Variants in SPIN1 observed in about 807,000 individuals in gnomAD.
SPIN1 encodes the protein spindlin-1.
In SPIN1, 3 loss-of-function variants were observed where a neutral mutation model predicts 26.0. The ratio of observed to expected loss-of-function variants is 0.12; its 90% CI spans 0.05 to 0.30. SPIN1 has a LOEUF of 0.30. Ranked by LOEUF, SPIN1 falls within the 10% of genes least tolerant of loss-of-function variation. The pLI is 1.00. For synonymous variants in SPIN1, 101 were observed against 116.5 expected, an observed-to-expected ratio of 0.87 and a Z score of 0.86; for missense variants, 126 against 333.4, an observed-to-expected ratio of 0.38 and a Z score of 4.84.
At chr9:88,396,939 A>G (rs1224068828) in intron 1 of SPIN1, among the ~76,000 whole-genome samples, 1 of 152,008 alleles carries the variant, frequency 6.6e-6, no homozygotes, top group Non-Finnish European at 1.5e-5. Context: ...CAGAGAAAGT[A>G]CAGTAGAAAT....
chr9:88,430,668 T>A (rs958233037), intron 2 of SPIN1, among the ~76,000 whole-genome samples: 1 of 152,228 alleles, frequency 6.6e-6, no homozygotes, highest in Non-Finnish European at 1.5e-5. Flanking sequence ...CATTCACATA[T>A]CAGGAATTTC....
At chr9:88,428,060 C>G (rs1827796880) in intron 2 of SPIN1, among the ~76,000 whole-genome samples, 1 of 151,996 alleles carries the variant, frequency 6.6e-6, no homozygotes, top group Admixed American at 6.6e-5. Context: ...AAATTGCTGC[C>G]AGGTGTTTAT....
At chr9:88,400,915 A>G (rs911355658) in intron 1 of SPIN1, among the ~76,000 whole-genome samples, 3 of 151,360 alleles carry the variant, frequency 2.0e-5, no homozygotes, top group Admixed American at 6.6e-5. Context: ...CGGGAGGCTG[A>G]GGTGGGAGGA....
At chr9:88,435,853 C>T (rs1400246233) in intron 2 of SPIN1, among the ~76,000 whole-genome samples, 1 of 152,150 alleles carries the variant, frequency 6.6e-6, no homozygotes, top group Non-Finnish European at 1.5e-5. Flanking sequence ...TTGGAACCTT[C>T]TGCTCTTCTA....
intron 3 of SPIN1, among the ~76,000 whole-genome samples, chr9:88,453,819 C>A (rs1828412317): frequency 2.0e-5 from 3 of 152,198 alleles, no homozygotes. Flanking sequence ...AGCCACCGCG[C>A]CCGCGGTATC....
chr9:88,421,289 A>ATGTG (rs140200838), intron 1 of SPIN1, among the ~76,000 whole-genome samples: 4 of 151,380 alleles, frequency 2.6e-5, no homozygotes, highest in Non-Finnish European at 4.4e-5. Flanking sequence ...GTTGTCTTAA[A>ATGTG]TGTGTGTGTG....
intron 3 of SPIN1, among the ~76,000 whole-genome samples, chr9:88,450,884 C>T (rs749809378): frequency 1.6e-4 from 24 of 152,100 alleles, no homozygotes; most frequent in Non-Finnish European, 5.9e-5. Flanking sequence ...GGGATGGCTG[C>T]ATGGAGCTTT....
intron 1 of SPIN1, among the ~76,000 whole-genome samples, chr9:88,394,263 A>G (rs1206140432): frequency 6.6e-6 from 1 of 152,164 alleles, no homozygotes; most frequent in Non-Finnish European, 1.5e-5. Flanking sequence ...GTAATCTCTG[A>G]AGCTTTTCTT....
At chr9:88,435,849 C>G (rs996369935) in intron 2 of SPIN1, among the ~76,000 whole-genome samples, 1 of 152,116 alleles carries the variant, frequency 6.6e-6, no homozygotes, top group Non-Finnish European at 1.5e-5. Context: ...TGCTTTGGAA[C>G]CTTCTGCTCT....
chr9:88,408,981 T>TGTGTG (rs1827375578), intron 1 of SPIN1, among the ~76,000 whole-genome samples: 119 of 136,700 alleles, frequency 8.7e-4, no homozygotes, highest in African/African-American at 3.2e-3. Context: ...TTGTGTGTGT[T>TGTGTG]TGTGTGTGTG....
At chr9:88,436,752 G>GTTTTT (rs1828005856) in intron 2 of SPIN1, among the ~76,000 whole-genome samples, 1 of 122,856 alleles carries the variant, frequency 8.1e-6, no homozygotes, top group Non-Finnish European at 1.7e-5. Flanking sequence ...TTTCCTCTGT[G>GTTTTT]TCTTTTTTTT....
At chr9:88,462,854 A>G (rs1425429434) in intron 4 of SPIN1, 105 bp downstream of exon 4, 2 of 1,283,930 alleles carry the variant, frequency 1.6e-6, no homozygotes, top group Admixed American at 2.7e-5. Context: ...TTGGAACACA[A>G]GCACCCTTCT....
At chr9:88,391,905 A>G (rs1213831831) in intron 1 of SPIN1, 3 of 152,200 alleles carry the variant, frequency 2.0e-5, no homozygotes, top group South Asian at 4.1e-4. Flanking sequence ...CCAGCTCTCA[A>G]ATTGCTACAA....
At position 88,476,264 on chromosome 9, in the gene SPIN1, G is replaced by A. The variant is rs904277276; in HGVS notation, c.*987G>A. ...TCCATCACTGGTTTGTGTGTTTTTG[G>A]TTAAGTTTCTGGAAGAATACAATGC... is the stretch of plus-strand genomic sequence containing the variant. On this transcript the variant is annotated 3_prime_UTR_variant, in exon 6 of 6. Coordinates refer to ENST00000375859, the MANE Select transcript of SPIN1 (RefSeq NM_006717.3). 6.6e-6 allele frequency: 1 copy of A among 152,196 alleles called. No individual in the cohort carries two copies. The highest frequency in any genetic ancestry group is 1.5e-5 in the Non-Finnish European group (1 of 68,038). The allele number at this position is 152,196 out of a possible 1,614,324, so 9.4% of individuals were successfully genotyped here.
chr9:88,427,724 G>T (rs1827790697), intron 2 of SPIN1, among the ~76,000 whole-genome samples: 1 of 151,976 alleles, frequency 6.6e-6, no homozygotes, highest in South Asian at 2.1e-4. Flanking sequence ...GGTCTCCCCA[G>T]TAGCTGGGAT....
intron 1 of SPIN1, among the ~76,000 whole-genome samples, chr9:88,419,923 C>G (rs147597152): frequency 3.5e-4 from 53 of 152,328 alleles, no homozygotes; most frequent in African/African-American, 1.2e-3. Flanking sequence ...TCAAACCAGG[C>G]AGTTCCAGTT....
intron 3 of SPIN1, among the ~76,000 whole-genome samples, chr9:88,461,331 A>C (rs924074795): frequency 1.3e-5 from 2 of 152,112 alleles, no homozygotes; most frequent in South Asian, 2.1e-4. Context: ...AACCCTGTGA[A>C]TCTCCTCCCA....
intron 1 of SPIN1, among the ~76,000 whole-genome samples, chr9:88,408,981 T>TTGTGTGTGTGTGTGTGTGTGTGTGTG: frequency 7.3e-6 from 1 of 136,700 alleles, no homozygotes; most frequent in South Asian, 2.4e-4. Flanking sequence ...TTGTGTGTGT[T>TTGTGTGTGTGTGTGTGTGTGTGTGTG]TGTGTGTGTG....
rs1306079026 is a variant in SPIN1 at position 88,475,883 on chromosome 9, C to T, written c.*606C>T. On this transcript the variant is annotated 3_prime_UTR_variant, in exon 6 of 6. Coordinates refer to ENST00000375859, the MANE Select transcript of SPIN1 (RefSeq NM_006717.3). ...TCTTTATTTAAAAGTAAACTTTGGG[C>T]ACAGGAACCATATGGGAACATTCAG... 1.3e-5 allele frequency: 2 copies of T among 151,414 alleles called. No individual in the cohort carries two copies. Among genetic ancestry groups the T allele is most frequent in the African/African-American group, 4.9e-5 (2 of 41,142 alleles). 9.4% of individuals were successfully genotyped at this position (151,414 alleles called of 1,614,324 possible).
Sources: allele counts gnomAD v4.1 joint callset (sites outside exome capture counted in the v4.1 genomes callset), GRCh38; gene constraint gnomAD v4.1.1; transcripts MANE v1.5; gene names NCBI Gene and HGNC (gene_info 2026-07-23, HGNC 2026-07-21).